The following EYS variants were observed in gnomAD, a reference collection of about 807,000 sequenced individuals.
EYS encodes EGF-like photoreceptor maintenance factor.
A neutral mutation model predicts 282.1 loss-of-function variants in EYS; 250 were observed. The ratio of observed to expected loss-of-function variants is 0.89; its 90% confidence interval spans 0.80 to 0.98. The LOEUF (loss-of-function observed/expected upper bound fraction) is 0.98. Among genes scored for constraint, EYS ranks in the 50% least tolerant of loss-of-function variants. The pLI, the probability that EYS is intolerant of heterozygous loss-of-function variation, is 0.00. For missense variants in EYS, 4,016 were observed against 3,709.0 expected, an observed-to-expected ratio of 1.08 and a Z score of -2.15; for synonymous variants, 1,355 against 1,282.9, an observed-to-expected ratio of 1.06 and a Z score of -1.20.
chr6:65,252,765 T>C (rs1767360557), intron 12 of EYS, among the ~76,000 whole-genome samples: 1 of 151,890 alleles, frequency 6.6e-6, no homozygotes, highest in Admixed American at 6.6e-5. Context: ...AGATAAAATA[T>C]ATAAAGAAGA....
rs114638149 is a variant in EYS at position 63,958,634 on chromosome 6, G to A, written c.7055+25749C>T. Among the ~76,000 whole-genome samples the A allele has an allele frequency of 4.8e-3, 729 of 152,326 alleles. 8 individuals carry two copies. Among genetic ancestry groups the A allele is most frequent in the African/African-American group, 0.017 (692 of 41,574 alleles). ...TATATTGGAAGAAGATGCCTTCTAG[G>A]ACTTTCATAGGTAGAGAAGAGAAGT... On this transcript the variant is annotated intron_variant, in intron 35 of 42. Transcript: ENST00000503581.
At chr6:65,488,642 G>C (rs1254387613) in intron 5 of EYS, among the ~76,000 whole-genome samples, 1 of 151,970 alleles carries the variant, frequency 6.6e-6, no homozygotes, top group Non-Finnish European at 1.5e-5. Flanking sequence ...ACTTCATATG[G>C]AACCAAAAAA....
At chr6:64,903,193 A>G (rs1767720526) in intron 16 of EYS, among the ~76,000 whole-genome samples, 2 of 152,180 alleles carry the variant, frequency 1.3e-5, no homozygotes, top group Admixed American at 1.3e-4. Flanking sequence ...ACTAAGTATA[A>G]CAAAATATAT....
intron 13 of EYS, among the ~76,000 whole-genome samples, chr6:65,003,995 C>G (rs1359970885): frequency 6.8e-6 from 1 of 147,064 alleles, no homozygotes; most frequent in Non-Finnish European, 1.5e-5. Flanking sequence ...ACTTTTCCCT[C>G]TTTCCTTCTT....
In EYS at chr6:65,344,122, T is replaced by C. The variant is rs1582164157; in HGVS notation, c.1515A>G (p.Ala505=). Residue 505 remains alanine (A), a synonymous_variant, in exon 10 of 43, where the codon GCA becomes GCG. Coordinates refer to ENST00000503581, the MANE Select transcript of EYS (RefSeq NM_001142800.2). ...CATAGGTTGCATCTTCAGTGCAGTTTGCAGCCAGAAAGAAATAGGCATCAA... is the reference window on the plus strand; with the variant it reads ...CATAGGTTGCATCTTCAGTGCAGTTCGCAGCCAGAAAGAAATAGGCATCAA... The part of the protein sequence containing the change: ...GVIDAYFFLA[A]NCTEDATYVN... The C allele has an allele frequency of 5.6e-6, 9 of 1,610,644 alleles. No homozygotes were observed. The Admixed American group carries it at 8.4e-5, about 15-fold the overall frequency.
At chr6:63,758,341 A>G (rs1562012349) in intron 41 of EYS, among the ~76,000 whole-genome samples, 1 of 152,188 alleles carries the variant, frequency 6.6e-6, no homozygotes, top group Non-Finnish European at 1.5e-5. Context: ...GAGGTTTAAA[A>G]TATTTCAACT....
intron 26 of EYS, among the ~76,000 whole-genome samples, chr6:64,529,125 T>C (rs1778018220): frequency 6.6e-6 from 1 of 151,992 alleles, no homozygotes; most frequent in South Asian, 2.1e-4. Context: ...AGGTCAGGAT[T>C]AAATCTGACA....
At chr6:65,045,131 G>A (rs952442543) in intron 13 of EYS, among the ~76,000 whole-genome samples, 1 of 151,774 alleles carries the variant, frequency 6.6e-6, no homozygotes, top group African/African-American at 2.4e-5. Context: ...AGAATGGTTT[G>A]TCTATATGCT....
intron 31 of EYS, among the ~76,000 whole-genome samples, chr6:64,227,571 G>A (rs1188153542): frequency 6.6e-6 from 1 of 151,946 alleles, no homozygotes; most frequent in Non-Finnish European, 1.5e-5. Context: ...ACAACTCAAG[G>A]CTTTAGATCT....
chr6:65,705,800 C>A (rs1475584769), intron 1 of EYS, among the ~76,000 whole-genome samples: 1 of 151,856 alleles, frequency 6.6e-6, no homozygotes, highest in Non-Finnish European at 1.5e-5. Flanking sequence ...TTTAAAAGGG[C>A]CATTTTTAGG....
chr6:63,813,053 A>G (rs1198986797), intron 36 of EYS, among the ~76,000 whole-genome samples: 2 of 152,124 alleles, frequency 1.3e-5, no homozygotes, highest in Admixed American at 6.6e-5. Flanking sequence ...ATCTTGGCTC[A>G]CTGCAACCTC....
chr6:65,060,965 A>G (rs1368306502), intron 12 of EYS, among the ~76,000 whole-genome samples: 1 of 151,826 alleles, frequency 6.6e-6, no homozygotes, highest in Non-Finnish European at 1.5e-5. Context: ...AATGCCAATG[A>G]TACTGTATCT....
At chr6:65,018,538 C>A (rs961524252) in intron 13 of EYS, among the ~76,000 whole-genome samples, 1 of 152,112 alleles carries the variant, frequency 6.6e-6, no homozygotes, top group African/African-American at 2.4e-5. Context: ...CTGAACTGAT[C>A]CTATTTCCAA....
intron 26 of EYS, among the ~76,000 whole-genome samples, chr6:64,440,720 G>A (rs544911000): frequency 6.6e-6 from 1 of 152,078 alleles, no homozygotes; most frequent in African/African-American, 2.4e-5. Flanking sequence ...TGAGAATAAA[G>A]TCATGTATCA....
intron 32 of EYS, among the ~76,000 whole-genome samples, chr6:64,068,933 G>A (rs535867806): frequency 9.2e-5 from 14 of 152,038 alleles, no homozygotes; most frequent in African/African-American, 2.9e-4. Context: ...ATATTATCTC[G>A]GTGGGCCTTA....
chr6:64,745,619 C>T (rs989788586), intron 22 of EYS, among the ~76,000 whole-genome samples: 4 of 151,996 alleles, frequency 2.6e-5, no homozygotes, highest in African/African-American at 4.8e-5. Flanking sequence ...AATGGTACCA[C>T]TATGTATAAA....
intron 12 of EYS, among the ~76,000 whole-genome samples, chr6:65,175,559 T>C (rs1765204811): frequency 6.6e-6 from 1 of 151,416 alleles, no homozygotes; most frequent in Non-Finnish European, 1.5e-5. Flanking sequence ...GTGTTGTTTG[T>C]GGTCATAAGT....
intron 33 of EYS, among the ~76,000 whole-genome samples, chr6:64,045,406 T>C (rs1408588100): frequency 1.4e-5 from 2 of 147,236 alleles, no homozygotes; most frequent in Admixed American, 6.8e-5. Context: ...TATTTTATTT[T>C]ATTTTATTTT....
At chr6:65,242,742 T>C (rs1384769744) in intron 12 of EYS, among the ~76,000 whole-genome samples, 1 of 152,142 alleles carries the variant, frequency 6.6e-6, no homozygotes, top group African/African-American at 2.4e-5. Flanking sequence ...ACTAGCAACA[T>C]ATTAGGGTTC....
Sources: gnomAD v4.1 joint callset for allele counts (sites outside exome capture counted in the v4.1 genomes callset) on GRCh38, gnomAD v4.1.1 for gene constraint, MANE v1.5 for transcripts, NCBI Gene and HGNC (gene_info 2026-07-23, HGNC 2026-07-21) for gene names.